Variants in NLGN1 observed in about 807,000 individuals in gnomAD.
The protein encoded by NLGN1 is neuroligin 1.
In NLGN1, 12 loss-of-function variants were observed where a neutral mutation model predicts 65.5. The observed-to-expected ratio is 0.18, with a 90% CI of 0.12 to 0.30. NLGN1 has a LOEUF of 0.30. Ranked by LOEUF, NLGN1 falls within the 10% of genes least tolerant of loss-of-function variation. The pLI, the probability that NLGN1 is intolerant of heterozygous loss-of-function variation, is 1.00. For synonymous variants in NLGN1, 350 were observed against 359.5 expected (o/e 0.97, Z 0.30); for missense variants, 750 against 1,007.1 (o/e 0.74, Z 3.46).
intron 4 of NLGN1, among the ~76,000 whole-genome samples, chr3:174,245,587 C>G (rs892079774): frequency 2.6e-5 from 4 of 152,076 alleles, no homozygotes; most frequent in Non-Finnish European, 5.9e-5. Context: ...TCTAATTACA[C>G]AGTAACCAAA....
chr3:173,702,013 G>C (rs537364001), intron 3 of NLGN1, among the ~76,000 whole-genome samples: 18 of 152,156 alleles, frequency 1.2e-4, no homozygotes, highest in Non-Finnish European at 2.2e-4. Flanking sequence ...GCCGAGGCGG[G>C]TGGATCACGA....
rs544717928 is a variant in NLGN1, at chr3:174,284,316, AC to A, written c.*3014del. 21 of 151,040 alleles carry A rather than the reference AC, an allele frequency of 1.4e-4. No individual in the cohort carries two copies. In the East Asian group the frequency reaches 2.3e-3, roughly 17 times the overall value. 9.4% of individuals were successfully genotyped at this position (151,040 alleles called of 1,614,324 possible). A position where few individuals can be genotyped will look rare whatever the true frequency, so the allele number is the denominator to read the frequency against. ...CCCCACATTATACAGAACATTAAGA[AC>A]TGTTTTTAAAGCTGAAACATAATCT... On this transcript the variant is annotated 3_prime_UTR_variant, in exon 7 of 7. Coordinates refer to ENST00000457714, the Ensembl canonical transcript of NLGN1.
At position 173,901,156 on chromosome 3, in the gene NLGN1, C is replaced by A. The variant is rs191515206; in HGVS notation, c.646+93324C>A. ...ATTTTTTCTCACCTTCCAAAAAAAT[C>A]CCTTTACTAGTGTTTGTCATGGAAT... is the stretch of plus-strand genomic sequence containing the variant. On this transcript the variant is annotated intron_variant, in intron 4 of 6. Transcript: ENST00000457714. 1.5e-3 allele frequency among the ~76,000 whole-genome samples: 231 copies of A among 151,946 alleles called. 1 individual carries two copies. Among genetic ancestry groups the A allele is most frequent in the African/African-American group, 5.3e-3 (222 of 41,500 alleles).
At chr3:173,780,204 G>A (rs559555665) in intron 3 of NLGN1, among the ~76,000 whole-genome samples, 1 of 152,274 alleles carries the variant, frequency 6.6e-6, no homozygotes, top group South Asian at 2.1e-4. Flanking sequence ...GTGAATTAAA[G>A]ATTGTATTAA....
At chr3:173,772,127 G>A (rs1779676349) in intron 3 of NLGN1, among the ~76,000 whole-genome samples, 1 of 152,090 alleles carries the variant, frequency 6.6e-6, no homozygotes, top group Non-Finnish European at 1.5e-5. Context: ...AGATTTAAAA[G>A]ATTATTGGCT....
intron 3 of NLGN1, among the ~76,000 whole-genome samples, chr3:173,614,613 G>A: frequency 6.6e-6 from 1 of 152,010 alleles, no homozygotes; most frequent in East Asian, 1.9e-4. Flanking sequence ...TTTACAAGGA[G>A]GCAGATCCTG....
intron 3 of NLGN1, among the ~76,000 whole-genome samples, chr3:173,681,241 A>T (rs997668445): frequency 1.3e-5 from 2 of 152,182 alleles, no homozygotes; most frequent in African/African-American, 4.8e-5. Flanking sequence ...AGAAACATGA[A>T]ATGTTTTTTC....
rs1166331035 is a variant in NLGN1 at position 173,621,750 on chromosome 3, G to A, written c.493+16659G>A. ...ATGGGGGTGGACAGTGAACAAGGAG[G>A]CCTTGGCAATGTTGACAACAGATTG... On this transcript the variant is annotated intron_variant, in intron 3 of 6. Coordinates refer to ENST00000457714, the Ensembl canonical transcript of NLGN1. Among the ~76,000 whole-genome samples the A allele has an allele frequency of 2.0e-5, 3 of 152,052 alleles. No individual in the cohort carries two copies. The East Asian group carries it at 5.8e-4, about 29-fold the overall frequency.
intron 4 of NLGN1, among the ~76,000 whole-genome samples, chr3:174,272,710 TAGATAGATAGAA>T (rs1185672777): frequency 2.8e-4 from 38 of 137,792 alleles, no homozygotes; most frequent in Non-Finnish European, 5.0e-4. Context: ...TAGATAGATA[TAGATAGATAGAA>T]AGATAGATAG....
chr3:173,518,679 C>A (rs1375726054), intron 2 of NLGN1, among the ~76,000 whole-genome samples: 1 of 151,854 alleles, frequency 6.6e-6, no homozygotes, highest in Admixed American at 6.6e-5. Context: ...CTGCTTCTAA[C>A]AACCTATGCT....
intron 4 of NLGN1, among the ~76,000 whole-genome samples, chr3:174,058,872 T>A (rs185622794): frequency 1.4e-4 from 21 of 152,260 alleles, no homozygotes; most frequent in African/African-American, 5.1e-4. Flanking sequence ...TGTCTATAGA[T>A]AATTTCTGTT....
chr3:173,773,658 T>G (rs529638969), intron 3 of NLGN1, among the ~76,000 whole-genome samples: 1 of 152,330 alleles, frequency 6.6e-6, no homozygotes, highest in African/African-American at 2.4e-5. Context: ...CTAGAAATTC[T>G]TTTCAATGCT....
intron 4 of NLGN1, among the ~76,000 whole-genome samples, chr3:173,885,092 A>G (rs1181525250): frequency 6.6e-6 from 1 of 152,172 alleles, no homozygotes; most frequent in Non-Finnish European, 1.5e-5. Flanking sequence ...ATTTTAGAGG[A>G]CACATTCAAA....
intron 1 of NLGN1, among the ~76,000 whole-genome samples, chr3:173,429,053 A>AT (rs1402518168): frequency 1.6e-4 from 25 of 151,796 alleles, no homozygotes; most frequent in African/African-American, 5.8e-4. Context: ...AGTTTGCAAT[A>AT]TTTTCTCTTA....
chr3:173,489,171 G>T (rs1403716726), intron 2 of NLGN1, among the ~76,000 whole-genome samples: 3 of 151,658 alleles, frequency 2.0e-5, no homozygotes, highest in African/African-American at 7.3e-5. Flanking sequence ...TGCCATGTTG[G>T]TGTGTTGCAC....
chr3:174,031,875 A>T (rs138680795), intron 4 of NLGN1, among the ~76,000 whole-genome samples: 18 of 152,174 alleles, frequency 1.2e-4, no homozygotes, highest in Non-Finnish European at 2.5e-4. Context: ...CAAGGCCTAC[A>T]TTGTGTAATT....
intron 4 of NLGN1, among the ~76,000 whole-genome samples, chr3:174,111,938 G>A (rs1432726869): frequency 6.6e-6 from 1 of 151,880 alleles, no homozygotes; most frequent in Non-Finnish European, 1.5e-5. Context: ...TCGACTCTTG[G>A]ATGTACCAGT....
At position 173,536,242 on chromosome 3, in the gene NLGN1, TAG is replaced by T. The variant is rs1192257842; in HGVS notation, c.-320-68036_-320-68035del. On this transcript the variant is annotated intron_variant, in intron 2 of 6. Transcript: ENST00000457714. ...CCAAGAGGTGATCAGGCATAACTCT[TAG>T]GTTCTGCTACCTCTTAATCACAGTC... Among the ~76,000 whole-genome samples, 43 of 152,150 alleles carry T rather than the reference TAG, an allele frequency of 2.8e-4. 1 individual carries two copies. Among genetic ancestry groups the T allele is most frequent in the Admixed American group, 2.8e-3 (43 of 15,256 alleles).
chr3:173,857,634 G>A (rs1256910437), intron 4 of NLGN1, among the ~76,000 whole-genome samples: 1 of 151,962 alleles, frequency 6.6e-6, no homozygotes, highest in Non-Finnish European at 1.5e-5. Context: ...TGCGAAAAGA[G>A]GGCTAGAAGA....
Sources: gnomAD v4.1 joint callset for allele counts (sites outside exome capture counted in the v4.1 genomes callset) on GRCh38, gnomAD v4.1.1 for gene constraint, MANE v1.5 for transcripts, NCBI Gene and HGNC (gene_info 2026-07-23, HGNC 2026-07-21) for gene names.